TSC22D1: variants seen among roughly 807,000 people sequenced by gnomAD.
TSC22D1 encodes the protein TSC22 domain family member 1, also known as TSC22 domain family protein 1.
In TSC22D1, 9 loss-of-function variants were observed where a neutral mutation model predicts 74.2. The ratio of observed to expected loss-of-function variants is 0.12; its 90% CI spans 0.07 to 0.21. The LOEUF (loss-of-function observed/expected upper bound fraction) is 0.21, where lower values mean the gene tolerates loss of function less well. TSC22D1 is among the 10% of genes least tolerant of loss of function. TSC22D1 has a pLI of 1.00. For synonymous variants in TSC22D1, 586 were observed against 492.5 expected (o/e 1.19, Z -2.51); for missense variants, 1,427 against 1,304.7 (o/e 1.09, Z -1.44).
At chr13:44,491,198 A>C (rs1878696034) in intron 1 of TSC22D1, among the ~76,000 whole-genome samples, 3 of 151,702 alleles carry the variant, frequency 2.0e-5, no homozygotes, top group South Asian at 4.2e-4. Flanking sequence ...GACATCACAG[A>C]GAATGTGAAA....
At chr13:44,448,064 C>G (rs927260736) in intron 1 of TSC22D1, among the ~76,000 whole-genome samples, 1 of 151,746 alleles carries the variant, frequency 6.6e-6, no homozygotes, top group Non-Finnish European at 1.5e-5. Context: ...AAATCTGGAG[C>G]CACAGACAAA....
intron 1 of TSC22D1, among the ~76,000 whole-genome samples, chr13:44,535,743 T>C (rs1440843517): frequency 6.6e-6 from 1 of 151,984 alleles, no homozygotes; most frequent in East Asian, 1.9e-4. Flanking sequence ...TATGTTCCTA[T>C]ACCTCAAAAA....
At chr13:44,437,000 C>G in intron 1 of TSC22D1, 1 of 983,066 alleles carries the variant, frequency 1.0e-6, no homozygotes. Flanking sequence ...CACCTCCGCC[C>G]CCATTCTCCA....
chr13:44,435,816 AACCAGTCCGGGGAAGAAGACCATTTAAT>A, intron 2 of TSC22D1, 200 bp downstream of exon 2: 1 of 573,274 alleles, frequency 1.7e-6, no homozygotes, highest in Admixed American at 3.2e-5. Flanking sequence ...CGTCGTGTGA[AACCAGTCCGGGGAAGAAGACCATTTAAT>A]ACCCGCAGGG....
At position 44,574,985 on chromosome 13, in the gene TSC22D1, A is replaced by T. The variant is rs756095733; in HGVS notation, c.1090T>A (p.Leu364Met). 11 of 1,614,128 alleles carry T rather than the reference A, an allele frequency of 6.8e-6. No individual in the cohort carries two copies. Among genetic ancestry groups the T allele is most frequent in the Non-Finnish European group, 8.5e-6 (10 of 1,180,028 alleles). Reference sequence around the variant, plus strand: ...ATAGTACCATTGCCCATGCCACTCAAGATATTCACATTAACACCACTGGTA... The same window carrying T: ...ATAGTACCATTGCCCATGCCACTCATGATATTCACATTAACACCACTGGTA... ...GVTSGVNVNILSGMGNGTISS... is the reference protein window; with the variant it reads ...GVTSGVNVNIMSGMGNGTISS... Residue 364 changes from leucine (L) to methionine (M), a missense_variant, in exon 1 of 3, where the codon TTG (leucine) becomes ATG (methionine). Leu to Met is a conservative substitution (Grantham distance 15). Around this residue, in one of 3 missense-constraint regions of TSC22D1, gnomAD observed 1,343 missense variants for 1,191.5 expected, o/e 1.13. Transcript: ENST00000458659.
chr13:44,538,453 T>C, intron 1 of TSC22D1: 2 of 985,400 alleles, frequency 2.0e-6, no homozygotes, highest in Non-Finnish European at 2.4e-6. Flanking sequence ...TTTTCTGGAC[T>C]TCCTCTACTA....
At chr13:44,516,764 G>A (rs1880007344) in intron 1 of TSC22D1, among the ~76,000 whole-genome samples, 1 of 152,156 alleles carries the variant, frequency 6.6e-6, no homozygotes, top group South Asian at 2.1e-4. Context: ...ATTTTTAAAA[G>A]TTAAATTTTC....
chr13:44,517,823 GTGTGTGTATA>G lies in TSC22D1; in HGVS notation c.2912+55330_2912+55339del, dbSNP rs1442400814. Among the ~76,000 whole-genome samples, 24 of 36,042 alleles carry G rather than the reference GTGTGTGTATA, an allele frequency of 6.7e-4. 1 individual carries two copies. The East Asian group carries it at 0.01, about 15-fold the overall frequency. 23.6% of individuals were successfully genotyped at this position (36,042 alleles called of 152,430 possible). On this transcript the variant is annotated intron_variant, in intron 1 of 2. Coordinates refer to ENST00000458659, the MANE Select transcript of TSC22D1 (RefSeq NM_183422.4). The stretch of plus-strand genomic sequence containing the variant: ...TACACACATATATATGTGTGTGTGT[GTGTGTGTATA>G]TATATATATATATATATATATATAT...
chr13:44,455,684 T>C (rs1876539246), intron 1 of TSC22D1, among the ~76,000 whole-genome samples: 1 of 152,186 alleles, frequency 6.6e-6, no homozygotes, highest in African/African-American at 2.4e-5. Flanking sequence ...TGAGTCTTGC[T>C]TTGGATAGTT....
At chr13:44,557,474 CA>C (rs1882734840) in intron 1 of TSC22D1, among the ~76,000 whole-genome samples, 1 of 152,134 alleles carries the variant, frequency 6.6e-6, no homozygotes, top group Admixed American at 6.5e-5. Flanking sequence ...CAAAACAAAA[CA>C]AAAAGTTAAT....
Position 44,573,230 on chromosome 13 carries a change from A to G in TSC22D1, c.2845T>C (p.Ser949Pro). ...ACCTTCAACGGGAAAAGAGAAGCAG[A>G]GGCTGCTAGGCTGCTGCTACTCCCA... Reference protein sequence around the residue: ...SDGSSSSLAASASLFPLKVLP... With the variant: ...SDGSSSSLAAPASLFPLKVLP... Residue 949 changes from serine to proline, a missense_variant, in exon 1 of 3, where the codon TCT (serine) becomes CCT (proline). Ser to Pro is a moderately conservative substitution (Grantham distance 74). Around this residue, in one of 3 missense-constraint regions of TSC22D1, gnomAD observed 1,343 missense variants for 1,191.5 expected, o/e 1.13. Transcript: ENST00000458659. 6.2e-7 allele frequency: 1 copy of G among 1,614,244 alleles called. No individual in the cohort carries two copies. The highest frequency in any genetic ancestry group is 8.5e-7 in the Non-Finnish European group (1 of 1,180,042).
At chr13:44,570,629 A>C (rs1883699730) in intron 1 of TSC22D1, among the ~76,000 whole-genome samples, 1 of 152,194 alleles carries the variant, frequency 6.6e-6, no homozygotes, top group Non-Finnish European at 1.5e-5. Context: ...TTATAATCTA[A>C]AGTGTTAAGA....
At chr13:44,448,427 TA>T (rs1424899705) in intron 1 of TSC22D1, among the ~76,000 whole-genome samples, 2 of 152,268 alleles carry the variant, frequency 1.3e-5, no homozygotes, top group African/African-American at 4.8e-5. Flanking sequence ...TTGGTGACTC[TA>T]AAACAATCAG....
intron 1 of TSC22D1, among the ~76,000 whole-genome samples, chr13:44,514,413 A>C (rs60566035): frequency 0.011 from 1,741 of 152,178 alleles, 25 homozygotes; most frequent in African/African-American, 0.04. Flanking sequence ...CACACACACA[A>C]AAAAACCACC....
At chr13:44,451,186 G>A (rs566664111) in intron 1 of TSC22D1, among the ~76,000 whole-genome samples, 3 of 152,328 alleles carry the variant, frequency 2.0e-5, no homozygotes, top group African/African-American at 7.2e-5. Flanking sequence ...GCAGCCTCAC[G>A]AAATGAGCCA....
chr13:44,564,306 G>C (rs928644932), intron 1 of TSC22D1, among the ~76,000 whole-genome samples: 40 of 152,082 alleles, frequency 2.6e-4, no homozygotes, highest in African/African-American at 7.7e-4. Context: ...TCCTATTCAA[G>C]AAGCTTAAAA....
At chr13:44,573,006 C>T (rs1436078202) in intron 1 of TSC22D1, among the ~76,000 whole-genome samples, 157 bp downstream of exon 1, 1 of 152,126 alleles carries the variant, frequency 6.6e-6, no homozygotes, top group Non-Finnish European at 1.5e-5. Flanking sequence ...GAAACCATTC[C>T]ATAACTCTTG....
chr13:44,432,894 C>G lies in TSC22D1; in HGVS notation c.*1732G>C, dbSNP rs1182342999. On this transcript the variant is annotated 3_prime_UTR_variant, in exon 3 of 3. Transcript: ENST00000458659. Reference sequence around the variant, plus strand: ...CACTCCTCAGGTGCCAGGGGCCAATCTGCCTCAGGATTCCTTCGTGGTTTT... The same window carrying G: ...CACTCCTCAGGTGCCAGGGGCCAATGTGCCTCAGGATTCCTTCGTGGTTTT... 6.6e-6 allele frequency: 1 copy of G among 152,230 alleles called. No individual in the cohort carries two copies. The highest frequency in any genetic ancestry group is 1.5e-5 in the Non-Finnish European group (1 of 68,058). The allele number at this position is 152,230 out of a possible 1,614,324, so 9.4% of individuals were successfully genotyped here.
chr13:44,556,691 C>A (rs1009206161), intron 1 of TSC22D1, among the ~76,000 whole-genome samples: 2 of 152,164 alleles, frequency 1.3e-5, no homozygotes, highest in South Asian at 4.1e-4. Flanking sequence ...CATGGCAAAA[C>A]CCCGTCTCTA....
Sources: allele counts gnomAD v4.1 joint callset (sites outside exome capture counted in the v4.1 genomes callset), GRCh38; gene constraint gnomAD v4.1.1; regional missense constraint gnomAD v4.1.1; transcripts MANE v1.5; gene names NCBI Gene and HGNC (gene_info 2026-07-23, HGNC 2026-07-21).